Variants in RRN3 observed in about 807,000 individuals in gnomAD.
RRN3 encodes RNA polymerase I-specific transcription initiation factor RRN3.
A neutral mutation model predicts 82.3 loss-of-function variants in RRN3; 38 were observed. The ratio of observed to expected loss-of-function variants is 0.46; its 90% CI spans 0.36 to 0.61. The LOEUF is 0.61. RRN3 is among the 20% of genes least tolerant of loss of function. The probability of loss-of-function intolerance (pLI) is 0.00; values close to 1 mark genes in which losing one functional copy is unlikely to be tolerated. For missense variants in RRN3, 726 were observed against 793.1 expected (o/e 0.92, Z 1.02); for synonymous variants, 284 against 284.3 (o/e 1.00, Z 0.01).
Position 15,061,628 on chromosome 16 carries a change from G to T in RRN3, c.*116C>A. The T allele has an allele frequency of 1.1e-6, 1 of 921,568 alleles. No individual in the cohort carries two copies. 57.1% of individuals were successfully genotyped at this position (921,568 alleles called of 1,614,324 possible). A position where few individuals can be genotyped will look rare whatever the true frequency, so the allele number is the denominator to read the frequency against. ...CGAACCTGGAAGTGCCACAGCCGAG[G>T]CAGGCACTCGCTCTAGTTCAATGCC... On this transcript the variant is annotated 3_prime_UTR_variant, in exon 18 of 18. Transcript: ENST00000198767.
At position 15,088,617 on chromosome 16, in the gene RRN3, G is replaced by T. The variant is rs2046000349; in HGVS notation, c.253-2163C>A. ...TATCTGGGAAAGAAGGCAGGGGTCA[G>T]GAAAAGCTTTAAAGAGAAAGTGATG... On this transcript the variant is annotated intron_variant, in intron 3 of 17. Coordinates refer to ENST00000198767, the MANE Select transcript of RRN3 (RefSeq NM_018427.5). Among the ~76,000 whole-genome samples, 3 of 152,104 alleles carry T rather than the reference G, an allele frequency of 2.0e-5. No individual in the cohort carries two copies. The South Asian group carries it at 6.2e-4, about 32-fold the overall frequency.
intron 4 of RRN3, 34 bp from the exon 5 acceptor site, chr16:15,086,292 T>C (rs753523950): frequency 6.3e-7 from 1 of 1,583,212 alleles, no homozygotes; most frequent in Non-Finnish European, 8.6e-7. Context: ...AAGCAGCATG[T>C]TATTAATATA....
At chr16:15,071,037 T>A (rs1300153755) in intron 13 of RRN3, 84 bp downstream of exon 13, 2 of 1,196,186 alleles carry the variant, frequency 1.7e-6, no homozygotes, top group South Asian at 1.5e-5. Context: ...CCAAAAAAAA[T>A]GGGAGATATT....
chr16:15,088,180 T>C (rs2045983639), intron 3 of RRN3, among the ~76,000 whole-genome samples: 1 of 151,842 alleles, frequency 6.6e-6, no homozygotes, highest in South Asian at 2.1e-4. Context: ...ACTATTATTA[T>C]TTCTACTAGC....
In RRN3 at chr16:15,065,243, G is replaced by A; in HGVS notation, c.1682C>T (p.Pro561Leu). Reference sequence around the variant, plus strand: ...CCTCTTCAGCACACAGGGATCAAAGGGGAAGAAGGTGTCCAGCGGGTTTGT... The same window carrying A: ...CCTCTTCAGCACACAGGGATCAAAGAGGAAGAAGGTGTCCAGCGGGTTTGT... ...ICTNPLDTFF[P>L]FDPCVLKRSK... The change falls in exon 16 of 18, where the codon CCC becomes CTC. Residue 561 changes from proline (P) to leucine (L), a missense_variant. Pro to Leu is a moderately conservative substitution (Grantham distance 98). Transcript: ENST00000198767. 3 of 1,613,732 alleles carry A rather than the reference G, an allele frequency of 1.9e-6. No homozygotes were observed. Among genetic ancestry groups the A allele is most frequent in the African/African-American group, 1.3e-5 (1 of 75,000 alleles).
At position 15,086,224 on chromosome 16, in the gene RRN3, A is replaced by T. The variant is rs771535028; in HGVS notation, c.377T>A (p.Val126Glu). Residue 126 changes from valine (V) to glutamate (E), a missense_variant, in exon 5 of 18, where the codon GTG (valine) becomes GAG (glutamate). By Grantham distance (121) the Val-to-Glu change is moderately radical. Transcript: ENST00000198767. ...ACCAAGAAAAGCCAAATACTCTTCC[A>T]CTACTGTTTGACTTCTATTCAACCA... is the stretch of plus-strand genomic sequence containing the variant. ...LPWLNRSQTV[V>E]EEYLAFLGNL... 3 of 1,584,636 alleles carry T rather than the reference A, an allele frequency of 1.9e-6. No homozygotes were observed. In the African/African-American group the frequency reaches 4.1e-5, roughly 22 times the overall value.
intron 9 of RRN3, among the ~76,000 whole-genome samples, chr16:15,078,050 A>G (rs1261660993): frequency 6.6e-6 from 1 of 152,198 alleles, no homozygotes; most frequent in East Asian, 1.9e-4. Flanking sequence ...CACCATTCAA[A>G]TATCTTAACA....
At chr16:15,085,102 TA>T (rs1231618057) in intron 6 of RRN3, among the ~76,000 whole-genome samples, 1 of 151,950 alleles carries the variant, frequency 6.6e-6, no homozygotes, top group Non-Finnish European at 1.5e-5. Context: ...TACTTGAAGC[TA>T]AAAACACATG....
chr16:15,062,360 C>G (rs1429214989), intron 17 of RRN3, among the ~76,000 whole-genome samples: 1 of 152,152 alleles, frequency 6.6e-6, no homozygotes, highest in East Asian at 1.9e-4. Context: ...GAATTACACG[C>G]CCCTCAACAA....
In RRN3 at chr16:15,073,037, C is replaced by A; in HGVS notation, c.1041G>T (p.Leu347=). ...NGKTKDLYRD[L]INIFDKLLLP... Reference sequence around the variant, plus strand: ...ACAGGAGTTTGTCAAAGATGTTTATCAGGTCGCGATATAGATCCTTTGTTT... The same window carrying A: ...ACAGGAGTTTGTCAAAGATGTTTATAAGGTCGCGATATAGATCCTTTGTTT... Residue 347 remains leucine, a synonymous_variant, in exon 12 of 18, where the codon CTG becomes CTT. Transcript: ENST00000198767. 6.2e-7 allele frequency: 1 copy of A among 1,613,076 alleles called. No individual in the cohort carries two copies. The highest frequency in any genetic ancestry group is 8.5e-7 in the Non-Finnish European group (1 of 1,179,778).
Position 15,085,680 on chromosome 16 carries a change from T to A in RRN3, c.491A>T (p.Glu164Val), listed in dbSNP as rs2045889368. The A allele has an allele frequency of 1.9e-6, 3 of 1,613,532 alleles. No individual in the cohort carries two copies. The highest frequency in any genetic ancestry group is 2.5e-6 in the Non-Finnish European group (3 of 1,179,832). Residue 164 changes from glutamate (E) to valine (V), a missense_variant, in exon 6 of 18, where the codon GAA (glutamate) becomes GTA (valine). By Grantham distance (121) the Glu-to-Val change is moderately radical. Transcript: ENST00000198767. ...AGAATCTGAAACATCTACATCGCCT[T>A]CCTTAATGATCACTCGGGCTTTTGA... ...HFVPPRVIIK[E>V]GDVDVSDSDD... is the part of the protein sequence containing the mutation.
rs547308684 is a variant in RRN3, at chr16:15,080,886, G to A, written c.667-790C>T. 4.0e-5 allele frequency among the ~76,000 whole-genome samples: 6 copies of A among 151,806 alleles called. No homozygotes were observed. In the South Asian group the frequency reaches 1.3e-3, roughly 32 times the overall value. ...ATACATGTTTTTAGGGTTCAATCAT[G>A]TTGTAACATGTAAACCATTCCTCTC... On this transcript the variant is annotated intron_variant, in intron 8 of 17. Coordinates refer to ENST00000198767, the MANE Select transcript of RRN3 (RefSeq NM_018427.5).
intron 12 of RRN3, among the ~76,000 whole-genome samples, chr16:15,071,553 A>C (rs2151777027): frequency 6.6e-6 from 1 of 152,320 alleles, no homozygotes; most frequent in East Asian, 1.9e-4. Context: ...GGATCACCCA[A>C]GGTCAGGAGC....
intron 11 of RRN3, among the ~76,000 whole-genome samples, chr16:15,074,068 C>T (rs970565475): frequency 5.3e-5 from 8 of 152,188 alleles, no homozygotes; most frequent in African/African-American, 1.7e-4. Context: ...CTTCAAAATG[C>T]TCACAATGGT....
At chr16:15,068,107 C>A (rs1456437096) in intron 15 of RRN3, 62 bp downstream of exon 15, 2 of 1,499,526 alleles carry the variant, frequency 1.3e-6, no homozygotes, top group Admixed American at 4.0e-5. Flanking sequence ...TCTTACAATA[C>A]TAGATAAACA....
intron 8 of RRN3, among the ~76,000 whole-genome samples, chr16:15,080,500 T>A (rs1413238142): frequency 6.6e-6 from 1 of 152,214 alleles, no homozygotes; most frequent in Admixed American, 6.5e-5. Context: ...AGTGGTGCAA[T>A]CATAGCTCAC....
chr16:15,083,563 G>A lies in RRN3; in HGVS notation c.616C>T (p.Pro206Ser), dbSNP rs767110061. The stretch of plus-strand genomic sequence containing the variant: ...AATGGAAATTTTTCCACCAGTATTG[G>A]CATGAGAAACCACGGTGTCCTATTT... ...YVPSTPWFLM[P>S]ILVEKFPFVR... Residue 206 changes from proline (P) to serine (S), a missense_variant, in exon 8 of 18, where the codon CCA becomes TCA. Pro to Ser is a moderately conservative substitution (Grantham distance 74, BLOSUM62 -1). Coordinates refer to ENST00000198767, the MANE Select transcript of RRN3 (RefSeq NM_018427.5). 1.9e-6 allele frequency: 3 copies of A among 1,608,926 alleles called. No homozygotes were observed. The East Asian group carries it at 6.7e-5, about 36-fold the overall frequency.
At chr16:15,072,504 C>T (rs1375931078) in intron 12 of RRN3, among the ~76,000 whole-genome samples, 1 of 152,138 alleles carries the variant, frequency 6.6e-6, no homozygotes, top group South Asian at 2.1e-4. Context: ...TCCAAGTGTA[C>T]TGAGAAGGGA....
chr16:15,081,539 T>G (rs1015086811), intron 8 of RRN3, among the ~76,000 whole-genome samples: 4 of 152,218 alleles, frequency 2.6e-5, no homozygotes, highest in Admixed American at 6.5e-5. Flanking sequence ...TATTTGCCCT[T>G]TTATTATTCA....
Sources: gnomAD v4.1 joint callset for allele counts (sites outside exome capture counted in the v4.1 genomes callset) on GRCh38, gnomAD v4.1.1 for gene constraint, MANE v1.5 for transcripts, NCBI Gene and HGNC (gene_info 2026-07-23, HGNC 2026-07-21) for gene names.